SCGB3A2: variants seen among roughly 807,000 people sequenced by gnomAD.
SCGB3A2 encodes the protein secretoglobin family 3A member 2, also known as pneumo secretory protein 1.
SCGB3A2 carries 5 observed loss-of-function variants against 7.7 expected under a neutral mutation model. The observed-to-expected ratio is 0.65, with a 90% CI of 0.34 to 1.36. The LOEUF (loss-of-function observed/expected upper bound fraction) is 1.36. Ranked by LOEUF, SCGB3A2 falls within the 40% of genes most tolerant of loss-of-function variation. The pLI, the probability that SCGB3A2 is intolerant of heterozygous loss-of-function variation, is 0.04. For synonymous variants in SCGB3A2, 44 were observed against 42.7 expected (o/e 1.03, Z -0.12); for missense variants, 109 against 103.6 (o/e 1.05, Z -0.23).
At chr5:147,880,435 C>G (rs1757328669) in intron 1 of SCGB3A2, among the ~76,000 whole-genome samples, 2 of 152,148 alleles carry the variant, frequency 1.3e-5, no homozygotes. Context: ...TATCTTCCAT[C>G]CTTTGGTCAT....
At chr5:147,880,137 G>T (rs1387977571) in intron 1 of SCGB3A2, among the ~76,000 whole-genome samples, 2 of 152,168 alleles carry the variant, frequency 1.3e-5, no homozygotes, top group African/African-American at 2.4e-5. Context: ...GTAGGAGGAT[G>T]TGTGTTCTTA....
At chr5:147,879,736 T>C (rs1429543484) in intron 1 of SCGB3A2, among the ~76,000 whole-genome samples, 1 of 152,144 alleles carries the variant, frequency 6.6e-6, no homozygotes. Context: ...TTGAAGATCT[T>C]CTCCCAGGAA....
chr5:147,881,376 G>C, intron 1 of SCGB3A2, 70 bp from the exon 2 acceptor site: 2 of 1,197,978 alleles, frequency 1.7e-6, no homozygotes, highest in Non-Finnish European at 2.5e-6. Context: ...GATGGACACA[G>C]GGAAAGAAGA....
At chr5:147,881,226 G>C in intron 1 of SCGB3A2, 3 of 544,130 alleles carry the variant, frequency 5.5e-6, no homozygotes, top group East Asian at 2.9e-5. Flanking sequence ...TATTTGAAGA[G>C]AGACCAAATA....
Position 147,881,442 on chromosome 5 carries a change from G to C in SCGB3A2, c.56-4G>C. 3 of 1,613,348 alleles carry C rather than the reference G, an allele frequency of 1.9e-6. No homozygotes were observed. The highest frequency in any genetic ancestry group is 2.5e-6 in the Non-Finnish European group (3 of 1,179,498). The stretch of plus-strand genomic sequence containing the variant: ...GTCTCACCTGGTTTCTCTTTTTCCT[G>C]CAGCTACTGCCTTCCTCATCAACAA... On this transcript the variant is annotated splice_region_variant and splice_polypyrimidine_tract_variant and intron_variant, in intron 1 of 2. Transcript: ENST00000296694.
At position 147,879,737 on chromosome 5, in the gene SCGB3A2, C is replaced by A. The variant is rs191053973; in HGVS notation, c.55+879C>A. Among the ~76,000 whole-genome samples, 835 of 152,264 alleles carry A rather than the reference C, an allele frequency of 5.5e-3. 6 individuals carry two copies. The highest frequency in any genetic ancestry group is 0.01 in the Middle Eastern group (3 of 294). On this transcript the variant is annotated intron_variant, in intron 1 of 2. Transcript: ENST00000296694. ...GAGAACAGAAGGCTTTGAAGATCTT[C>A]TCCCAGGAAGCTGTAAACACATACA...
rs1327841263 is a variant in SCGB3A2 at position 147,881,461 on chromosome 5, TCAA to T, written c.75_77del (p.Asn25del). ...TTTCCTGCAGCTACTGCCTTCCTCATCAACAAAGTGCCCCTTCCTGTTGACAAG... is the reference window on the plus strand; with the variant it reads ...TTTCCTGCAGCTACTGCCTTCCTCATCAAAGTGCCCCTTCCTGTTGACAAG... On this transcript the variant is annotated inframe_deletion, in exon 2 of 3. Coordinates refer to ENST00000296694, the MANE Select transcript of SCGB3A2 (RefSeq NM_054023.5). 2 of 1,613,982 alleles carry T rather than the reference TCAA, an allele frequency of 1.2e-6. No individual in the cohort carries two copies. The highest frequency in any genetic ancestry group is 3.3e-5 in the Admixed American group (2 of 60,026).
chr5:147,880,269 T>A (rs1342788073), intron 1 of SCGB3A2, among the ~76,000 whole-genome samples: 1 of 152,202 alleles, frequency 6.6e-6, no homozygotes, highest in Non-Finnish European at 1.5e-5. Context: ...GGGAAAGTTA[T>A]CTTCCTAAAG....
Position 147,878,801 on chromosome 5 carries a change from G to C in SCGB3A2, c.-3G>C. The C allele has an allele frequency of 1.2e-6, 2 of 1,612,224 alleles. No homozygotes were observed. The highest frequency in any genetic ancestry group is 1.7e-6 in the Non-Finnish European group (2 of 1,178,352). ...CTCCTGAAAAATATCCCAGATAACT[G>C]TCATGAAGCTGGTAACTATCTTCCT... On this transcript the variant is annotated 5_prime_UTR_variant, in exon 1 of 3. Coordinates refer to ENST00000296694, the MANE Select transcript of SCGB3A2 (RefSeq NM_054023.5).
At chr5:147,880,636 A>G (rs918084881) in intron 1 of SCGB3A2, 26 of 151,980 alleles carry the variant, frequency 1.7e-4, no homozygotes, top group Non-Finnish European at 2.9e-5. Context: ...TTCCTGCAGC[A>G]CTCTTTCATG....
chr5:147,881,241 GAGAA>G, intron 1 of SCGB3A2: 1 of 564,166 alleles, frequency 1.8e-6, no homozygotes, highest in Non-Finnish European at 3.1e-6. Flanking sequence ...CAAATAATGT[GAGAA>G]AGAAAGGTAA....
chr5:147,881,405 C>T lies in SCGB3A2; in HGVS notation c.56-41C>T, dbSNP rs775173133. The T allele has an allele frequency of 5.4e-6, 8 of 1,484,792 alleles. No homozygotes were observed. The Admixed American group carries it at 1.3e-4, about 25-fold the overall frequency. 92.0% of individuals were successfully genotyped at this position (1,484,792 alleles called of 1,614,324 possible). ...AAGAAGATGAGGTCATAGTCTGGGC[C>T]CAGATGTGCCTGTCTCACCTGGTTT... On this transcript the variant is annotated intron_variant, in intron 1 of 2. Coordinates refer to ENST00000296694, the MANE Select transcript of SCGB3A2 (RefSeq NM_054023.5).
In SCGB3A2 at chr5:147,882,046, T is replaced by C; in HGVS notation, c.278T>C (p.Val93Ala). 6.2e-7 allele frequency: 1 copy of C among 1,613,836 alleles called. No homozygotes were observed. Among genetic ancestry groups the C allele is most frequent in the Non-Finnish European group, 8.5e-7 (1 of 1,179,798 alleles). ...KKLLEALSHL[V>A] ...TTTCAGGAGGCGCTATCACACTTGG[T>C]GTGACATCAAGATAAAGAGCGGAGG... Residue 93 changes from valine to alanine, a missense_variant, in exon 3 of 3, where the codon GTG becomes GCG. By Grantham distance (64) the Val-to-Ala change is moderately conservative. Transcript: ENST00000296694.
intron 1 of SCGB3A2, among the ~76,000 whole-genome samples, chr5:147,880,229 C>A (rs984076735): frequency 2.0e-5 from 3 of 152,140 alleles, no homozygotes; most frequent in African/African-American, 7.2e-5. Context: ...TTTCCTCAAT[C>A]TCTACTTTTT....
rs1294674561 is a variant in SCGB3A2 at position 147,882,042 on chromosome 5, T to G, written c.274T>G (p.Leu92Val). The G allele has an allele frequency of 6.2e-7, 1 of 1,613,838 alleles. No individual in the cohort carries two copies. Among genetic ancestry groups the G allele is most frequent in the South Asian group, 1.1e-5 (1 of 91,066 alleles). The change falls in exon 3 of 3, where the codon TTG (leucine) becomes GTG (valine). Residue 92 changes from leucine to valine, a missense_variant. Physicochemically the swap from Leu to Val is conservative, Grantham distance 32. Coordinates refer to ENST00000296694, the MANE Select transcript of SCGB3A2 (RefSeq NM_054023.5). Reference protein sequence around the residue: ...VKKLLEALSHLV With the variant: ...VKKLLEALSHVV ...TACATTTCAGGAGGCGCTATCACAC[T>G]TGGTGTGACATCAAGATAAAGAGCG... is the stretch of plus-strand genomic sequence containing the variant.
At chr5:147,879,039 T>A (rs1008310078) in intron 1 of SCGB3A2, among the ~76,000 whole-genome samples, 181 bp downstream of exon 1, 2 of 152,160 alleles carry the variant, frequency 1.3e-5, no homozygotes, top group African/African-American at 4.8e-5. Context: ...GGAAGAAGTT[T>A]TGGAATCACA....
rs539607740 is a variant in SCGB3A2, at chr5:147,880,998, C to G, written c.56-448C>G. On this transcript the variant is annotated intron_variant, in intron 1 of 2. Transcript: ENST00000296694. ...AAATACCATCGCCTTCAGACAATCA[C>G]AATGATCTGTTGAATGCTTACGCTG... 111 of 162,872 alleles carry G rather than the reference C, an allele frequency of 6.8e-4. No individual in the cohort carries two copies. The Middle Eastern group carries it at 0.016, about 23-fold the overall frequency. 10.1% of individuals were successfully genotyped at this position (162,872 alleles called of 1,614,324 possible).
chr5:147,881,944 C>G, intron 2 of SCGB3A2, 83 bp from the exon 3 acceptor site: 1 of 1,458,530 alleles, frequency 6.9e-7, no homozygotes, highest in Non-Finnish European at 9.6e-7. Flanking sequence ...AGTGGCCAAA[C>G]AGGACACTGG....
intron 1 of SCGB3A2, among the ~76,000 whole-genome samples, chr5:147,880,104 T>G (rs1006641892): frequency 1.3e-5 from 2 of 152,262 alleles, no homozygotes; most frequent in Admixed American, 1.3e-4. Context: ...CAAAGGAAAA[T>G]AAACTATGGC....
Sources: gnomAD v4.1 joint callset for allele counts (sites outside exome capture counted in the v4.1 genomes callset) on GRCh38, gnomAD v4.1.1 for gene constraint, MANE v1.5 for transcripts, NCBI Gene and HGNC (gene_info 2026-07-23, HGNC 2026-07-21) for gene names.